RAD51B: variants seen among roughly 807,000 people sequenced by gnomAD.
RAD51B encodes the protein RAD51 paralog B, also known as DNA repair protein RAD51 homolog 2.
A neutral mutation model predicts 42.2 loss-of-function variants in RAD51B; 38 were observed. The observed-to-expected ratio is 0.90, with a 90% CI of 0.70 to 1.18. The LOEUF (loss-of-function observed/expected upper bound fraction) is 1.18. Ranked by LOEUF, RAD51B falls within the 50% of genes most tolerant of loss-of-function variation. RAD51B has a pLI of 0.00. For missense variants in RAD51B, 373 were observed against 400.7 expected, an observed-to-expected ratio of 0.93 and a Z score of 0.59; for synonymous variants, 154 against 145.2, an observed-to-expected ratio of 1.06 and a Z score of -0.43.
chr14:68,182,218 A>G (rs536646031), intron 7 of RAD51B, among the ~76,000 whole-genome samples: 49 of 152,358 alleles, frequency 3.2e-4, no homozygotes, highest in Non-Finnish European at 6.0e-4. Context: ...TCCAAAGCTA[A>G]ATTAACAGCT....
At chr14:67,834,189 C>A (rs2041152934) in intron 3 of RAD51B, among the ~76,000 whole-genome samples, 1 of 152,274 alleles carries the variant, frequency 6.6e-6, no homozygotes, top group Non-Finnish European at 1.5e-5. Context: ...TCTCTCTATA[C>A]CATCTTCACA....
At chr14:67,860,427 T>C (rs1364420029) in intron 4 of RAD51B, among the ~76,000 whole-genome samples, 1 of 152,200 alleles carries the variant, frequency 6.6e-6, no homozygotes, top group Non-Finnish European at 1.5e-5. Context: ...GGGATAACGA[T>C]AGTGTTTTGA....
chr14:67,912,386 G>A (rs2044013365), intron 7 of RAD51B, among the ~76,000 whole-genome samples: 2 of 152,144 alleles, frequency 1.3e-5, no homozygotes, highest in Admixed American at 1.3e-4. Flanking sequence ...CTAGGTATAT[G>A]AAAATATGTC....
chr14:68,636,582 CAAAAAAA>C (rs142821866), intron 10 of RAD51B, among the ~76,000 whole-genome samples: 3 of 97,112 alleles, frequency 3.1e-5, no homozygotes, highest in Admixed American at 1.1e-4. Context: ...GACTCAGTCT[CAAAAAAA>C]AAAAAAAAAA....
In RAD51B at chr14:68,359,499, C is replaced by G. The variant is rs189560669; in HGVS notation, c.854-51925C>G. On this transcript the variant is annotated intron_variant, in intron 8 of 10. Transcript: ENST00000471583. The stretch of plus-strand genomic sequence containing the variant: ...GGGGGAGTCCCTTCTCTTCTTGCTT[C>G]GAGGTAGTGAGTGGGAAACGCAAAC... Among the ~76,000 whole-genome samples, 291 of 152,214 alleles carry G rather than the reference C, an allele frequency of 1.9e-3. 2 individuals are homozygous for G. The highest frequency in any genetic ancestry group is 6.5e-3 in the African/African-American group (270 of 41,538).
At chr14:68,594,293 G>A (rs1273761876) in intron 10 of RAD51B, among the ~76,000 whole-genome samples, 2 of 152,214 alleles carry the variant, frequency 1.3e-5, no homozygotes, top group African/African-American at 4.8e-5. Flanking sequence ...GAGAGTTTGT[G>A]TGTGCACACA....
At chr14:68,169,557 A>G (rs148843946) in intron 7 of RAD51B, among the ~76,000 whole-genome samples, 1 of 152,198 alleles carries the variant, frequency 6.6e-6, no homozygotes, top group Non-Finnish European at 1.5e-5. Flanking sequence ...TTTAAATAAC[A>G]TATACATTTA....
At chr14:67,821,084 A>T (rs2040611144) in intron 1 of RAD51B, among the ~76,000 whole-genome samples, 1 of 152,172 alleles carries the variant, frequency 6.6e-6, no homozygotes, top group Admixed American at 6.5e-5. Context: ...AAGCTACTCA[A>T]GGCAGGATTG....
chr14:68,240,532 C>A (rs548430634), intron 7 of RAD51B, among the ~76,000 whole-genome samples: 11 of 152,214 alleles, frequency 7.2e-5, no homozygotes, highest in Non-Finnish European at 1.6e-4. Context: ...CAGGAACTTG[C>A]TTTTCATGGT....
rs1158907460 is a variant in RAD51B at position 68,468,196 on chromosome 14, G to C, written c.982G>C (p.Ala328Pro). The C allele has an allele frequency of 1.2e-6, 2 of 1,613,836 alleles. No individual in the cohort carries two copies. The highest frequency in any genetic ancestry group is 1.7e-6 in the Non-Finnish European group (2 of 1,179,942). ...GATTCTTATTGCCAAGTCCCCTCTG[G>C]CTCCCTTCACCTCATTTGTCTACAC... ...RQILIAKSPLAPFTSFVYTIK... is the reference protein window; with the variant it reads ...RQILIAKSPLPPFTSFVYTIK... The change falls in exon 10 of 11, where the codon GCT becomes CCT. Residue 328 changes from alanine to proline, a missense_variant. By Grantham distance (27) the Ala-to-Pro change is conservative (BLOSUM62 -1). Transcript: ENST00000471583.
intron 8 of RAD51B, among the ~76,000 whole-genome samples, chr14:68,292,875 A>G (rs978224180): frequency 1.3e-5 from 2 of 152,282 alleles, no homozygotes; most frequent in East Asian, 3.9e-4. Flanking sequence ...AAACTGTACA[A>G]TGCTTTGTGT....
intron 7 of RAD51B, among the ~76,000 whole-genome samples, chr14:68,217,924 T>TG (rs2079849319): frequency 6.6e-6 from 1 of 152,196 alleles, no homozygotes; most frequent in Non-Finnish European, 1.5e-5. Context: ...AAGAGGGCCT[T>TG]GCTGGATTTC....
intron 7 of RAD51B, among the ~76,000 whole-genome samples, chr14:67,919,232 A>G (rs2044247150): frequency 6.6e-6 from 1 of 152,200 alleles, no homozygotes; most frequent in Non-Finnish European, 1.5e-5. Flanking sequence ...GCAGGCAATT[A>G]TAGTATTCTG....
chr14:68,210,862 A>G (rs915005575), intron 7 of RAD51B, among the ~76,000 whole-genome samples: 2 of 152,182 alleles, frequency 1.3e-5, no homozygotes, highest in Non-Finnish European at 2.9e-5. Context: ...CACTTCACCA[A>G]ACAGAATTCT....
At chr14:68,250,233 C>T (rs939213960) in intron 7 of RAD51B, among the ~76,000 whole-genome samples, 4 of 152,178 alleles carry the variant, frequency 2.6e-5, no homozygotes, top group African/African-American at 7.2e-5. Flanking sequence ...CCCCCTCATT[C>T]GTCCTGTCTT....
At chr14:67,831,864 A>C (rs753551874) in intron 3 of RAD51B, among the ~76,000 whole-genome samples, 3 of 151,866 alleles carry the variant, frequency 2.0e-5, no homozygotes, top group South Asian at 2.1e-4. Context: ...TTTTTGACTT[A>C]CCGAATCTAT....
chr14:68,467,613 A>T (rs2086016984), intron 9 of RAD51B, among the ~76,000 whole-genome samples: 1 of 152,266 alleles, frequency 6.6e-6, no homozygotes, highest in African/African-American at 2.4e-5. Context: ...CCACCTGGCA[A>T]GTCATATGCC....
intron 10 of RAD51B, among the ~76,000 whole-genome samples, chr14:68,571,952 T>C (rs1468017803): frequency 6.6e-6 from 1 of 152,172 alleles, no homozygotes; most frequent in Non-Finnish European, 1.5e-5. Context: ...GCACAGAAAG[T>C]GGACATCGAT....
At chr14:67,999,395 C>T (rs867518478) in intron 7 of RAD51B, among the ~76,000 whole-genome samples, 10 of 152,144 alleles carry the variant, frequency 6.6e-5, no homozygotes, top group African/African-American at 2.4e-4. Flanking sequence ...ACTGTGCTAG[C>T]ATAGGAGGAT....
Sources: gnomAD v4.1 joint callset for allele counts (sites outside exome capture counted in the v4.1 genomes callset) on GRCh38, gnomAD v4.1.1 for gene constraint, MANE v1.5 for transcripts, NCBI Gene and HGNC (gene_info 2026-07-23, HGNC 2026-07-21) for gene names.